RBFOX1: variants seen among roughly 807,000 people sequenced by gnomAD.
RBFOX1 encodes RNA binding fox-1 homolog 1.
Under a neutral mutation model 57.7 loss-of-function variants are expected in RBFOX1, and 8 were observed. That is an observed-to-expected ratio of 0.14 (90% CI 0.08 to 0.25). The LOEUF is 0.25. RBFOX1 is among the 10% of genes least tolerant of loss of function. RBFOX1 has a pLI of 1.00. For missense variants in RBFOX1, 611 were observed against 548.5 expected (o/e 1.11, Z -1.14); for synonymous variants, 326 against 222.4 (o/e 1.47, Z -4.15).
intron 3 of RBFOX1, among the ~76,000 whole-genome samples, chr16:6,851,264 G>A (rs2094046302): frequency 6.6e-6 from 1 of 152,116 alleles, no homozygotes; most frequent in Admixed American, 6.5e-5. Flanking sequence ...CGTGGTTGCC[G>A]GGGTCAGGAG....
chr16:6,796,875 C>G (rs2084186463), intron 3 of RBFOX1, among the ~76,000 whole-genome samples: 1 of 152,094 alleles, frequency 6.6e-6, no homozygotes, highest in Non-Finnish European at 1.5e-5. Flanking sequence ...GACTGCTTGT[C>G]TTGTTCTTTG....
At chr16:5,646,733 C>T (rs1160623922) in intron 3 of RBFOX1, among the ~76,000 whole-genome samples, 1 of 152,098 alleles carries the variant, frequency 6.6e-6, no homozygotes, top group Non-Finnish European at 1.5e-5. Flanking sequence ...CTTCCAGGTT[C>T]ACACCATTCT....
chr16:6,035,440 G>A (rs1001925111), intron 1 of RBFOX1, among the ~76,000 whole-genome samples: 2 of 152,222 alleles, frequency 1.3e-5, no homozygotes, highest in Non-Finnish European at 2.9e-5. Context: ...GATCACAGTA[G>A]CACTGCCCAA....
At chr16:6,020,704 G>C (rs1461429565) in intron 1 of RBFOX1, among the ~76,000 whole-genome samples, 1 of 152,146 alleles carries the variant, frequency 6.6e-6, no homozygotes, top group African/African-American at 2.4e-5. Flanking sequence ...AGGCCAGGGG[G>C]GGGCTTGTCA....
Position 6,891,352 on chromosome 16 carries a change from G to A in RBFOX1, c.-15-160705G>A, listed in dbSNP as rs565087899. Among the ~76,000 whole-genome samples, 204 of 152,200 alleles carry A rather than the reference G, an allele frequency of 1.3e-3. 1 individual carries two copies. Among genetic ancestry groups the A allele is most frequent in the Non-Finnish European group, 2.2e-3 (153 of 68,004 alleles). On this transcript the variant is annotated intron_variant, in intron 3 of 15. Coordinates refer to ENST00000550418, the MANE Select transcript of RBFOX1 (RefSeq NM_018723.4). ...AGAGTAGTTAATCTACTTGCCCATC[G>A]ATATAAGATACAGACACTAAATTTG...
At chr16:5,519,886 C>T (rs1297545242) in intron 2 of RBFOX1, among the ~76,000 whole-genome samples, 1 of 152,126 alleles carries the variant, frequency 6.6e-6, no homozygotes, top group African/African-American at 2.4e-5. Context: ...TTCAATAATT[C>T]TTTATTGAGC....
chr16:6,825,858 A>G (rs916402123), intron 3 of RBFOX1, among the ~76,000 whole-genome samples: 2 of 152,180 alleles, frequency 1.3e-5, no homozygotes, highest in Non-Finnish European at 2.9e-5. Context: ...AGGAATGAAT[A>G]TCCTTGGGGA....
intron 3 of RBFOX1, among the ~76,000 whole-genome samples, chr16:6,750,690 G>GCATT (rs2074760938): frequency 6.6e-6 from 1 of 152,200 alleles, no homozygotes. Context: ...ATTCATTCAT[G>GCATT]CATTCATTCA....
At chr16:6,224,344 A>C (rs1403010848) in intron 1 of RBFOX1, among the ~76,000 whole-genome samples, 1 of 152,028 alleles carries the variant, frequency 6.6e-6, no homozygotes, top group African/African-American at 2.4e-5. Flanking sequence ...ATGAGCATGG[A>C]ATGTTCTTCT....
chr16:6,754,933 C>T (rs1402392161), intron 3 of RBFOX1, among the ~76,000 whole-genome samples: 1 of 152,070 alleles, frequency 6.6e-6, no homozygotes, highest in Admixed American at 6.6e-5. Flanking sequence ...CAGTTCCCAC[C>T]TATGACTGAG....
chr16:6,584,655 C>T (rs2097581945), intron 2 of RBFOX1, among the ~76,000 whole-genome samples: 1 of 152,006 alleles, frequency 6.6e-6, no homozygotes, highest in African/African-American at 2.4e-5. Flanking sequence ...AGGCATGAGC[C>T]ACCATGCCCG....
chr16:7,412,915 G>T (rs901206560), intron 4 of RBFOX1, among the ~76,000 whole-genome samples: 1 of 152,098 alleles, frequency 6.6e-6, no homozygotes, highest in Non-Finnish European at 1.5e-5. Flanking sequence ...CATGGTGGGC[G>T]CCTGCAGTCC....
At chr16:6,830,795 C>G (rs889740283) in intron 3 of RBFOX1, among the ~76,000 whole-genome samples, 4 of 152,024 alleles carry the variant, frequency 2.6e-5, no homozygotes, top group African/African-American at 9.7e-5. Context: ...GGTAAGGGGT[C>G]GAGAGAGTCA....
intron 5 of RBFOX1, among the ~76,000 whole-genome samples, chr16:7,571,762 T>A (rs1358269027): frequency 6.6e-6 from 1 of 152,184 alleles, no homozygotes; most frequent in African/African-American, 2.4e-5. Context: ...ACTTCCCATC[T>A]GTGTAGGGTC....
chr16:5,264,330 G>A (rs1347749198), intron 1 of RBFOX1, among the ~76,000 whole-genome samples: 2 of 152,210 alleles, frequency 1.3e-5, no homozygotes, highest in Non-Finnish European at 2.9e-5. Context: ...TTGATGGTGA[G>A]AACGTGGTCA....
chr16:5,623,576 G>C (rs767290434), intron 3 of RBFOX1, among the ~76,000 whole-genome samples: 1 of 152,076 alleles, frequency 6.6e-6, no homozygotes, highest in Non-Finnish European at 1.5e-5. Flanking sequence ...GGTCCCAACT[G>C]CTTTCTTAAA....
intron 3 of RBFOX1, among the ~76,000 whole-genome samples, chr16:6,861,662 C>A (rs1037691534): frequency 2.6e-5 from 4 of 151,960 alleles, no homozygotes; most frequent in Non-Finnish European, 4.4e-5. Context: ...GGCATGCAAC[C>A]TCCTCTATTT....
intron 4 of RBFOX1, among the ~76,000 whole-genome samples, chr16:7,083,129 A>G (rs902080275): frequency 2.0e-5 from 3 of 152,174 alleles, no homozygotes; most frequent in South Asian, 4.1e-4. Context: ...TGAATCATCA[A>G]TTTGGTTATG....
At chr16:6,477,837 C>G (rs2095298132) in intron 2 of RBFOX1, among the ~76,000 whole-genome samples, 1 of 152,180 alleles carries the variant, frequency 6.6e-6, no homozygotes, top group South Asian at 2.1e-4. Context: ...GCTAGATTTT[C>G]AGGGTAAGTT....
Sources: gnomAD v4.1 joint callset for allele counts (sites outside exome capture counted in the v4.1 genomes callset) on GRCh38, gnomAD v4.1.1 for gene constraint, MANE v1.5 for transcripts, NCBI Gene and HGNC (gene_info 2026-07-23, HGNC 2026-07-21) for gene names.